SMC4: variants seen among roughly 807,000 people sequenced by gnomAD.
The protein encoded by SMC4 is structural maintenance of chromosomes 4.
In SMC4, 87 loss-of-function variants were observed where a neutral mutation model predicts 145.6. The ratio of observed to expected loss-of-function variants is 0.60; its 90% CI spans 0.50 to 0.71. SMC4 has a LOEUF of 0.71. Ranked by LOEUF, SMC4 falls within the 30% of genes least tolerant of loss-of-function variation. The pLI is 0.00. For missense variants in SMC4, 1,447 were observed against 1,537.1 expected (o/e 0.94, Z 0.98); for synonymous variants, 558 against 500.7 (o/e 1.11, Z -1.53).
Position 160,434,659 on chromosome 3 carries a change from A to AGGT in SMC4, c.*850_*851insGGT, listed in dbSNP as rs1381942970. On this transcript the variant is annotated 3_prime_UTR_variant, in exon 24 of 24. Coordinates refer to ENST00000357388, the MANE Select transcript of SMC4 (RefSeq NM_001002800.3). ...TACCTTGAGTAATGTTTGCCTATAAAATTGTCAGCGTATTTTTACACTATT... is the reference window on the plus strand; with the variant it reads ...TACCTTGAGTAATGTTTGCCTATAAAGGTATTGTCAGCGTATTTTTACACTATT... 1.2e-4 allele frequency: 19 copies of AGGT among 152,196 alleles called. No homozygotes were observed. Among genetic ancestry groups the AGGT allele is most frequent in the African/African-American group, 4.3e-4 (18 of 41,458 alleles). 9.4% of individuals were successfully genotyped at this position (152,196 alleles called of 1,614,324 possible).
intron 9 of SMC4, among the ~76,000 whole-genome samples, chr3:160,415,134 G>A (rs996904918): frequency 1.3e-5 from 2 of 152,136 alleles, no homozygotes; most frequent in Admixed American, 1.3e-4. Flanking sequence ...TGCTTTGGGC[G>A]GCCAAAGTTG....
chr3:160,425,606 A>G (rs1717709584), intron 16 of SMC4, among the ~76,000 whole-genome samples: 1 of 152,174 alleles, frequency 6.6e-6, no homozygotes, highest in Non-Finnish European at 1.5e-5. Flanking sequence ...ACATAATTTG[A>G]CAAATTTTTT....
chr3:160,430,938 C>T, intron 19 of SMC4, 94 bp from the exon 20 acceptor site: 1 of 1,304,472 alleles, frequency 7.7e-7, no homozygotes, highest in East Asian at 2.4e-5. Flanking sequence ...ATGGAAGGGG[C>T]ATGAGGAGAG....
At chr3:160,417,035 T>G (rs1576965388) in intron 10 of SMC4, among the ~76,000 whole-genome samples, 1 of 152,208 alleles carries the variant, frequency 6.6e-6, no homozygotes, top group Non-Finnish European at 1.5e-5. Context: ...CACATTGATA[T>G]GTATTATCTA....
At chr3:160,409,265 C>CAAAAAAAAAAAAAAAAAAAA (rs10547167) in intron 5 of SMC4, among the ~76,000 whole-genome samples, 1 of 61,946 alleles carries the variant, frequency 1.6e-5, no homozygotes, top group Non-Finnish European at 2.8e-5. Flanking sequence ...AACTCCGTCT[C>CAAAAAAAAAAAAAAAAAAAA]AAAAAAAAAA....
At chr3:160,411,884 T>TA (rs1716025852) in intron 5 of SMC4, 36 bp from the exon 6 acceptor site, 1 of 1,584,700 alleles carries the variant, frequency 6.3e-7, no homozygotes, top group Admixed American at 1.7e-5. Context: ...TAGCTAAACA[T>TA]ACACAGTGAG....
Position 160,416,328 on chromosome 3 carries a change from G to A in SMC4, c.1350G>A (p.Glu450=). The change falls in exon 10 of 24, where the codon GAG becomes GAA. Residue 450 remains glutamate, a synonymous_variant. Coordinates refer to ENST00000357388, the MANE Select transcript of SMC4 (RefSeq NM_001002800.3). ...NETTTRNNAL[E]KEKEKEEKKL... Reference sequence around the variant, plus strand: ...CAACAACCAGAAACAATGCCCTCGAGAAGGAAAAAGAGAAAGAAGAAAAAA... The same window carrying A: ...CAACAACCAGAAACAATGCCCTCGAAAAGGAAAAAGAGAAAGAAGAAAAAA... 6.2e-7 allele frequency: 1 copy of A among 1,603,452 alleles called. No homozygotes were observed. The highest frequency in any genetic ancestry group is 1.1e-5 in the South Asian group (1 of 89,666).
In SMC4 at chr3:160,404,472, G is replaced by T; in HGVS notation, c.655G>T (p.Asp219Tyr). The change falls in exon 5 of 24, where the codon GAC (aspartate) becomes TAC (tyrosine). Residue 219 changes from aspartate to tyrosine, a missense_variant. By Grantham distance (160) the Asp-to-Tyr change is radical. Coordinates refer to ENST00000357388, the MANE Select transcript of SMC4 (RefSeq NM_001002800.3). The stretch of plus-strand genomic sequence containing the variant: ...AAATCTTCTTCGAAGCCATGGAATT[G>T]ACTTGGACCATAATAGATTTTTAAT... ...VGNLLRSHGI[D>Y]LDHNRFLILQ... 3 of 1,608,244 alleles carry T rather than the reference G, an allele frequency of 1.9e-6. No homozygotes were observed. The highest frequency in any genetic ancestry group is 2.2e-5 in the South Asian group (2 of 89,528).
chr3:160,426,720 G>A (rs1717833217), intron 17 of SMC4, among the ~76,000 whole-genome samples: 2 of 152,294 alleles, frequency 1.3e-5, no homozygotes, highest in African/African-American at 4.8e-5. Flanking sequence ...AATTGGCTCT[G>A]TAGCCTTAAT....
intron 1 of SMC4, chr3:160,400,584 G>T: frequency 2.1e-6 from 1 of 474,158 alleles, no homozygotes; most frequent in Non-Finnish European, 3.7e-6. Flanking sequence ...TTGCTCAATC[G>T]TTGATTGATC....
At chr3:160,400,067 C>A (rs1714348263) in intron 1 of SMC4, 1 of 152,572 alleles carries the variant, frequency 6.6e-6, no homozygotes, top group East Asian at 1.9e-4. Flanking sequence ...TTCCTTCTGC[C>A]AACGGACTAG....
intron 5 of SMC4, among the ~76,000 whole-genome samples, chr3:160,411,536 A>G (rs1028067340): frequency 2.6e-5 from 4 of 152,182 alleles, no homozygotes; most frequent in African/African-American, 9.6e-5. Context: ...AACAATTGAT[A>G]ATGTTTCCAC....
chr3:160,423,824 A>C lies in SMC4; in HGVS notation c.2309A>C (p.Glu770Ala). Residue 770 changes from glutamate (E) to alanine (A), a missense_variant, in exon 15 of 24, where the codon GAA (glutamate) becomes GCA (alanine). Coordinates refer to ENST00000357388, the MANE Select transcript of SMC4 (RefSeq NM_001002800.3). ...AGAATGGGTTCCTCACTTGTTATTGAAATCTCTGAAGAAGAGGTCAGCATA... is the reference window on the plus strand; with the variant it reads ...AGAATGGGTTCCTCACTTGTTATTGCAATCTCTGAAGAAGAGGTCAGCATA... ...KGRMGSSLVI[E>A]ISEEEVNKME... is the part of the protein sequence containing the mutation. The C allele has an allele frequency of 6.2e-7, 1 of 1,613,176 alleles. No homozygotes were observed. Among genetic ancestry groups the C allele is most frequent in the Non-Finnish European group, 8.5e-7 (1 of 1,179,650 alleles).
rs946687493 is a variant in SMC4, at chr3:160,423,913, C to T, written c.2325+73C>T. The stretch of plus-strand genomic sequence containing the variant: ...GCTTTACCGAGGTATATACTTACTA[C>T]AAAATTTGGCCATTTTAAGTATGGT... On this transcript the variant is annotated intron_variant, in intron 15 of 23. Transcript: ENST00000357388. The T allele has an allele frequency of 4.1e-6, 5 of 1,215,570 alleles. No homozygotes were observed. The African/African-American group carries it at 7.7e-5, about 19-fold the overall frequency. The allele number at this position is 1,215,570 out of a possible 1,614,324, so 75.3% of individuals were successfully genotyped here.
chr3:160,425,028 G>A lies in SMC4; in HGVS notation c.2478+9G>A, dbSNP rs747870085. Reference sequence around the variant, plus strand: ...TTACTGCAAGCATCCAGGTATGTGTGTGTGTGTGTGTGTGTGTGTGTGTGT... The same window carrying A: ...TTACTGCAAGCATCCAGGTATGTGTATGTGTGTGTGTGTGTGTGTGTGTGT... On this transcript the variant is annotated intron_variant, in intron 16 of 23. Coordinates refer to ENST00000357388, the MANE Select transcript of SMC4 (RefSeq NM_001002800.3). The A allele has an allele frequency of 2.7e-6, 4 of 1,456,060 alleles. No homozygotes were observed. The African/African-American group carries it at 4.6e-5, about 17-fold the overall frequency. 90.2% of individuals were successfully genotyped at this position (1,456,060 alleles called of 1,614,324 possible).
At position 160,419,586 on chromosome 3, in the gene SMC4, T is replaced by A. The variant is rs771039824; in HGVS notation, c.1857+43T>A. 5.2e-6 allele frequency: 8 copies of A among 1,524,438 alleles called. No homozygotes were observed. The African/African-American group carries it at 5.6e-5, about 11-fold the overall frequency. The allele number at this position is 1,524,438 out of a possible 1,614,324, so 94.4% of individuals were successfully genotyped here. ...GGGGCATGGCTTTACTTTTTTTTTT[T>A]AAGAAAGTGTAACTTATTTTTTTGC... On this transcript the variant is annotated intron_variant, in intron 12 of 23. Transcript: ENST00000357388.
Position 160,414,360 on chromosome 3 carries a change from T to C in SMC4, c.1122-7T>C. On this transcript the variant is annotated splice_polypyrimidine_tract_variant and splice_region_variant and intron_variant, in intron 8 of 23. Coordinates refer to ENST00000357388, the MANE Select transcript of SMC4 (RefSeq NM_001002800.3). ...AATAATGACTTACAATATACTTGCT[T>C]TGCTAGGAAACTGAATAAAATTACA... The C allele has an allele frequency of 6.3e-7, 1 of 1,587,092 alleles. No homozygotes were observed. Among genetic ancestry groups the C allele is most frequent in the Non-Finnish European group, 8.6e-7 (1 of 1,157,268 alleles).
chr3:160,413,718 A>ACCACTTGATATGCTG, intron 8 of SMC4, 105 bp downstream of exon 8: 2 of 685,430 alleles, frequency 2.9e-6, no homozygotes, highest in Non-Finnish European at 4.4e-6. Flanking sequence ...GACATTTGCC[A>ACCACTTGATATGCTG]GCATATCAAG....
At chr3:160,408,027 A>G (rs1041800507) in intron 5 of SMC4, among the ~76,000 whole-genome samples, 1 of 152,234 alleles carries the variant, frequency 6.6e-6, no homozygotes, top group African/African-American at 2.4e-5. Context: ...AGTATAGTAT[A>G]ATAAAAGATA....
Sources: allele counts gnomAD v4.1 joint callset (sites outside exome capture counted in the v4.1 genomes callset), GRCh38; gene constraint gnomAD v4.1.1; transcripts MANE v1.5; gene names NCBI Gene and HGNC (gene_info 2026-07-23, HGNC 2026-07-21).